SRGAP1: variants seen among roughly 807,000 people sequenced by gnomAD.
The protein encoded by SRGAP1 is SLIT-ROBO Rho GTPase-activating protein 1.
A neutral mutation model predicts 121.9 loss-of-function variants in SRGAP1; 43 were observed. The observed-to-expected ratio is 0.35, with a 90% confidence interval of 0.28 to 0.46. SRGAP1 has a LOEUF of 0.46. Ranked by LOEUF, SRGAP1 falls within the 20% of genes least tolerant of loss-of-function variation. The pLI is 1.00. For missense variants in SRGAP1, 1,102 were observed against 1,350.9 expected, an observed-to-expected ratio of 0.82 and a Z score of 2.89; for synonymous variants, 447 against 485.4, an observed-to-expected ratio of 0.92 and a Z score of 1.04.
At chr12:64,121,621 G>A (rs975651571) in intron 18 of SRGAP1, among the ~76,000 whole-genome samples, 28 of 151,938 alleles carry the variant, frequency 1.8e-4, no homozygotes, top group African/African-American at 6.5e-4. Flanking sequence ...GGGTTTCTTT[G>A]TTTCTCACAT....
At chr12:64,125,943 T>C in intron 18 of SRGAP1, 34 bp from the exon 19 acceptor site, 6 of 1,603,342 alleles carry the variant, frequency 3.7e-6, no homozygotes, top group Non-Finnish European at 5.1e-6. Context: ...CTAACAACCC[T>C]GTTTCTCGCT....
intron 3 of SRGAP1, among the ~76,000 whole-genome samples, chr12:64,000,679 A>C (rs1474965801): frequency 2.6e-5 from 4 of 152,194 alleles, no homozygotes; most frequent in Non-Finnish European, 2.9e-5. Flanking sequence ...ATGTTAGGAG[A>C]GAACAGGTGT....
At chr12:64,114,154 A>G (rs11831686) in intron 17 of SRGAP1, among the ~76,000 whole-genome samples, 6,535 of 152,204 alleles carry the variant, frequency 0.043, 468 homozygotes, top group African/African-American at 0.15. Flanking sequence ...TAGTATATTC[A>G]CCAACTTTAC....
chr12:63,974,338 G>A (rs1213049593), intron 1 of SRGAP1, among the ~76,000 whole-genome samples: 1 of 152,052 alleles, frequency 6.6e-6, no homozygotes, highest in Non-Finnish European at 1.5e-5. Context: ...TGACAGTTTT[G>A]TAGTAAGCTT....
intron 10 of SRGAP1, among the ~76,000 whole-genome samples, chr12:64,084,535 ACACT>A: frequency 6.6e-6 from 1 of 152,298 alleles, no homozygotes; most frequent in South Asian, 2.1e-4. Context: ...CAGTTGAGAC[ACACT>A]CAGGACTATT....
rs79744665 is a variant in SRGAP1, at chr12:63,951,036, C to T, written c.68-32911C>T. ...GGTAATTATGTGGGGTCCTAGAGAACGGGAAGGGATTCATTCGTATCCTTA... is the reference window on the plus strand; with the variant it reads ...GGTAATTATGTGGGGTCCTAGAGAATGGGAAGGGATTCATTCGTATCCTTA... On this transcript the variant is annotated intron_variant, in intron 1 of 21. Coordinates refer to ENST00000355086, the MANE Select transcript of SRGAP1 (RefSeq NM_020762.4). Among the ~76,000 whole-genome samples, 1,115 of 148,474 alleles carry T rather than the reference C, an allele frequency of 7.5e-3. 17 individuals carry two copies. The highest frequency in any genetic ancestry group is 0.026 in the African/African-American group (1,024 of 39,994).
intron 1 of SRGAP1, among the ~76,000 whole-genome samples, chr12:63,949,419 T>TATG (rs1460836556): frequency 4.9e-5 from 7 of 144,270 alleles, no homozygotes; most frequent in Admixed American, 3.5e-4. Flanking sequence ...TTATTATTAT[T>TATG]ATTATTATTA....
intron 8 of SRGAP1, among the ~76,000 whole-genome samples, chr12:64,076,489 C>T (rs1412874052): frequency 2.6e-5 from 4 of 152,072 alleles, no homozygotes; most frequent in Non-Finnish European, 4.4e-5. Context: ...AGTTTAACAT[C>T]AGGTAGAGCT....
At chr12:64,095,635 A>G (rs1295869358) in intron 14 of SRGAP1, among the ~76,000 whole-genome samples, 1 of 152,120 alleles carries the variant, frequency 6.6e-6, no homozygotes, top group Non-Finnish European at 1.5e-5. Flanking sequence ...GGGGTGCCTT[A>G]TGCTTGTTCA....
At chr12:64,118,539 G>A (rs909964642) in intron 18 of SRGAP1, among the ~76,000 whole-genome samples, 1 of 152,112 alleles carries the variant, frequency 6.6e-6, no homozygotes, top group Non-Finnish European at 1.5e-5. Context: ...TGAGATTATA[G>A]GCATGAGCCA....
At chr12:64,006,228 A>G (rs1315746042) in intron 3 of SRGAP1, among the ~76,000 whole-genome samples, 1 of 152,214 alleles carries the variant, frequency 6.6e-6, no homozygotes, top group Admixed American at 6.5e-5. Flanking sequence ...AGCAAGGACA[A>G]GGCTCTGAAT....
rs1183987852 is a variant in SRGAP1 at position 64,160,209 on chromosome 12, T to C, written c.*17537T>C. The C allele has an allele frequency of 6.6e-6, 1 of 152,234 alleles. No individual in the cohort carries two copies. The highest frequency in any genetic ancestry group is 6.5e-5 in the Admixed American group (1 of 15,278). 9.4% of individuals were successfully genotyped at this position (152,234 alleles called of 1,614,324 possible). A position where few individuals can be genotyped will look rare whatever the true frequency, so the allele number is the denominator to read the frequency against. On this transcript the variant is annotated 3_prime_UTR_variant, in exon 22 of 22. Transcript: ENST00000355086. ...GGACTCACTCCACTTTTCTCTTGAG[T>C]TGGTTCCACTATTTCCTGGAACCTC...
rs1306292930 is a variant in SRGAP1, at chr12:63,984,159, T to G, written c.263+17T>G. ...ACAATACAAGTAAGAGATTTGAATC[T>G]AATTCACCTTTCCAAGGGTGATATC... On this transcript the variant is annotated intron_variant, in intron 2 of 21. Transcript: ENST00000355086. 7.2e-7 allele frequency: 1 copy of G among 1,381,582 alleles called. No individual in the cohort carries two copies. Among genetic ancestry groups the G allele is most frequent in the Non-Finnish European group, 9.7e-7 (1 of 1,032,846 alleles). 85.6% of individuals were successfully genotyped at this position (1,381,582 alleles called of 1,614,324 possible).
chr12:63,908,073 G>A (rs955887986), intron 1 of SRGAP1, among the ~76,000 whole-genome samples: 1 of 152,106 alleles, frequency 6.6e-6, no homozygotes, highest in Non-Finnish European at 1.5e-5. Flanking sequence ...TGATGCATAT[G>A]TATGTCCTTA....
chr12:64,099,484 G>A (rs1167005574), intron 15 of SRGAP1, among the ~76,000 whole-genome samples: 1 of 152,156 alleles, frequency 6.6e-6, no homozygotes, highest in Admixed American at 6.5e-5. Flanking sequence ...CGAGTTCTTT[G>A]TCTGGCATCA....
chr12:63,928,957 G>A (rs907054990), intron 1 of SRGAP1, among the ~76,000 whole-genome samples: 8 of 152,134 alleles, frequency 5.3e-5, no homozygotes, highest in South Asian at 4.1e-4. Flanking sequence ...ATAAGCAATG[G>A]GAAATGGCCG....
intron 1 of SRGAP1, among the ~76,000 whole-genome samples, chr12:63,938,971 A>T (rs1324142189): frequency 2.0e-5 from 3 of 151,592 alleles, no homozygotes; most frequent in Non-Finnish European, 4.4e-5. Flanking sequence ...CCTGGACAAC[A>T]TGGTGAGATC....
chr12:64,126,269 A>C, intron 19 of SRGAP1, 112 bp downstream of exon 19: 1 of 1,230,674 alleles, frequency 8.1e-7, no homozygotes, highest in Non-Finnish European at 1.1e-6. Flanking sequence ...TACAGAGATA[A>C]AACTTCAGAG....
At chr12:64,029,788 G>T (rs927253426) in intron 4 of SRGAP1, among the ~76,000 whole-genome samples, 1 of 40,608 alleles carries the variant, frequency 2.5e-5, no homozygotes, top group African/African-American at 3.6e-4. Flanking sequence ...CTTGAGGTCA[G>T]GAGTTCGAGA....
Sources: gnomAD v4.1 joint callset for allele counts (sites outside exome capture counted in the v4.1 genomes callset) on GRCh38, gnomAD v4.1.1 for gene constraint, MANE v1.5 for transcripts, NCBI Gene and HGNC (gene_info 2026-07-23, HGNC 2026-07-21) for gene names.